PAFAH1B1: variants seen among roughly 807,000 people sequenced by gnomAD.
PAFAH1B1 encodes the protein platelet activating factor acetylhydrolase 1b regulatory subunit 1, also known as platelet-activating factor acetylhydrolase IB subunit beta.
A neutral mutation model predicts 57.5 loss-of-function variants in PAFAH1B1; 2 were observed. The ratio of observed to expected loss-of-function variants is 0.03; its 90% CI spans 0.01 to 0.11. The LOEUF is 0.11. Ranked by LOEUF, PAFAH1B1 falls within the 10% of genes least tolerant of loss-of-function variation. The probability of loss-of-function intolerance (pLI) is 1.00; values close to 1 mark genes in which losing one functional copy is unlikely to be tolerated. For missense variants in PAFAH1B1, 257 were observed against 512.0 expected (o/e 0.50, Z 4.81); for synonymous variants, 152 against 169.6 (o/e 0.90, Z 0.81).
chr17:2,598,152 G>A lies in PAFAH1B1; in HGVS notation c.-191+4146G>A, dbSNP rs59497076. ...TAGTTCCAGCTACTGGGGAGACTAA[G>A]GCAGGAGAATTGCTTGAACCCGGGA... is the stretch of plus-strand genomic sequence containing the variant. On this transcript the variant is annotated intron_variant, in intron 1 of 10. Coordinates refer to ENST00000397195, the MANE Select transcript of PAFAH1B1 (RefSeq NM_000430.4). Among the ~76,000 whole-genome samples the A allele has an allele frequency of 2.9e-3, 443 of 152,204 alleles. 2 individuals carry two copies. The highest frequency in any genetic ancestry group is 9.7e-3 in the African/African-American group (403 of 41,504).
At chr17:2,595,835 A>G (rs2068079357) in intron 1 of PAFAH1B1, among the ~76,000 whole-genome samples, 1 of 152,154 alleles carries the variant, frequency 6.6e-6, no homozygotes, top group Admixed American at 6.6e-5. Flanking sequence ...ATTTTGATGG[A>G]GCAAGCCCTA....
At chr17:2,667,724 C>G (rs1426059835) in intron 5 of PAFAH1B1, among the ~76,000 whole-genome samples, 1 of 151,890 alleles carries the variant, frequency 6.6e-6, no homozygotes, top group Non-Finnish European at 1.5e-5. Context: ...ATTGGGCTTT[C>G]CTTGATGTAT....
At chr17:2,673,770 A>G (rs1238530843) in intron 7 of PAFAH1B1, 1 of 400,840 alleles carries the variant, frequency 2.5e-6, no homozygotes. Context: ...AGTAGAGCAT[A>G]GCTTTTTTCC....
At chr17:2,643,293 C>A (rs1015350431) in intron 2 of PAFAH1B1, among the ~76,000 whole-genome samples, 2 of 151,988 alleles carry the variant, frequency 1.3e-5, no homozygotes, top group Non-Finnish European at 2.9e-5. Context: ...TTGTTTTCCC[C>A]CTTTTGTGGA....
chr17:2,633,542 G>A (rs1352161144), intron 1 of PAFAH1B1, among the ~76,000 whole-genome samples: 1 of 151,780 alleles, frequency 6.6e-6, no homozygotes, highest in African/African-American at 2.4e-5. Flanking sequence ...TAATTTGGCT[G>A]GGGGAAGAAA....
rs187098832 is a variant in PAFAH1B1 at position 2,683,958 on chromosome 17, T to C, written c.*2156T>C. The C allele has an allele frequency of 2.0e-4, 30 of 152,688 alleles. No homozygotes were observed. The highest frequency in any genetic ancestry group is 7.2e-4 in the African/African-American group (30 of 41,560). The allele number at this position is 152,688 out of a possible 1,614,324, so 9.5% of individuals were successfully genotyped here. A position where few individuals can be genotyped will look rare whatever the true frequency, so the allele number is the denominator to read the frequency against. ...AGCCACAACATCTAGAAATCACTCATAGATATTGAACAATAAAGGAGAATG... is the reference window on the plus strand; with the variant it reads ...AGCCACAACATCTAGAAATCACTCACAGATATTGAACAATAAAGGAGAATG... On this transcript the variant is annotated 3_prime_UTR_variant, in exon 11 of 11. Transcript: ENST00000397195.
At chr17:2,637,275 A>G (rs2151633842) in intron 1 of PAFAH1B1, among the ~76,000 whole-genome samples, 1 of 152,262 alleles carries the variant, frequency 6.6e-6, no homozygotes, top group South Asian at 2.1e-4. Context: ...CTCTATTTTA[A>G]GTAAGACCAT....
chr17:2,594,001 G>C lies in PAFAH1B1; in HGVS notation c.-196G>C, dbSNP rs2068054078. The C allele has an allele frequency of 2.5e-6, 1 of 396,354 alleles. No individual in the cohort carries two copies. The highest frequency in any genetic ancestry group is 4.4e-5 in the Admixed American group (1 of 22,616). The allele number at this position is 396,354 out of a possible 1,614,324, so 24.6% of individuals were successfully genotyped here. A position where few individuals can be genotyped will look rare whatever the true frequency, so the allele number is the denominator to read the frequency against. ...GGCCCTGCGGAGGCGGCGGTGCAGC[G>C]CTCCGGTAAGGCGGCGCGGGTCTGC... is the stretch of plus-strand genomic sequence containing the variant. On this transcript the variant is annotated 5_prime_UTR_variant, in exon 1 of 11. Coordinates refer to ENST00000397195, the MANE Select transcript of PAFAH1B1 (RefSeq NM_000430.4).
Position 2,601,746 on chromosome 17 carries a change from T to A in PAFAH1B1, c.-191+7740T>A, listed in dbSNP as rs377158710. 7.9e-5 allele frequency among the ~76,000 whole-genome samples: 12 copies of A among 151,998 alleles called. No homozygotes were observed. The South Asian group carries it at 2.5e-3, about 32-fold the overall frequency. ...CATGCACCACGGCGCCCGGCCTAAT[T>A]TTTCTATTTTCTGTAAGAGGTGAGG... is the stretch of plus-strand genomic sequence containing the variant. On this transcript the variant is annotated intron_variant, in intron 1 of 10. Transcript: ENST00000397195.
chr17:2,679,705 C>T (rs2069347282), intron 9 of PAFAH1B1: 1 of 210,150 alleles, frequency 4.8e-6, no homozygotes, highest in African/African-American at 2.4e-5. Context: ...GTATATCCTT[C>T]ACTTAGTTAC....
rs2068052084 is a variant in PAFAH1B1 at position 2,593,885 on chromosome 17, C to T, written c.-312C>T. On this transcript the variant is annotated 5_prime_UTR_variant, in exon 1 of 11. Transcript: ENST00000397195. Reference sequence around the variant, plus strand: ...CTCCCCGGGCCCGGGCCCAGCGCGCCATCCTCCCCCCTCCTTCCCTCCCTC... The same window carrying T: ...CTCCCCGGGCCCGGGCCCAGCGCGCTATCCTCCCCCCTCCTTCCCTCCCTC... The T allele has an allele frequency of 6.2e-6, 2 of 323,302 alleles. No individual in the cohort carries two copies. The highest frequency in any genetic ancestry group is 2.3e-5 in the African/African-American group (1 of 44,190). The allele number at this position is 323,302 out of a possible 1,614,324, so 20.0% of individuals were successfully genotyped here.
At chr17:2,596,999 T>G (rs1379817279) in intron 1 of PAFAH1B1, among the ~76,000 whole-genome samples, 1 of 152,036 alleles carries the variant, frequency 6.6e-6, no homozygotes, top group Non-Finnish European at 1.5e-5. Context: ...AGGCGGAGGT[T>G]GCAGTGAGCC....
intron 1 of PAFAH1B1, among the ~76,000 whole-genome samples, 191 bp downstream of exon 1, chr17:2,594,197 C>T (rs908402337): frequency 6.6e-6 from 1 of 152,100 alleles, no homozygotes; most frequent in African/African-American, 2.4e-5. Context: ...CCGCGACGGC[C>T]GTTGAGTGAG....
At chr17:2,640,368 C>G (rs561169396) in intron 2 of PAFAH1B1, 1 of 123,994 alleles carries the variant, frequency 8.1e-6, no homozygotes, top group Non-Finnish European at 1.6e-5. Context: ...AGTTCCTCAG[C>G]TTTTGTCTTT....
At chr17:2,650,652 AAAAAAAAAGG>A (rs1041434356) in intron 2 of PAFAH1B1, among the ~76,000 whole-genome samples, 3 of 151,708 alleles carry the variant, frequency 2.0e-5, no homozygotes, top group South Asian at 2.1e-4. Flanking sequence ...AAAAAAAAAA[AAAAAAAAAGG>A]AAGTTAATTG....
intron 7 of PAFAH1B1, 71 bp from the exon 8 acceptor site, chr17:2,673,989 T>C (rs2069224486): frequency 9.1e-7 from 1 of 1,099,828 alleles, no homozygotes; most frequent in Non-Finnish European, 1.4e-6. Context: ...CCAGTACATA[T>C]TTTTATATCA....
At chr17:2,655,871 C>G (rs1305053778) in intron 2 of PAFAH1B1, among the ~76,000 whole-genome samples, 1 of 151,712 alleles carries the variant, frequency 6.6e-6, no homozygotes, top group Middle Eastern at 3.2e-3. Context: ...CTTCTATTTT[C>G]TGTGTGGAGT....
intron 1 of PAFAH1B1, among the ~76,000 whole-genome samples, chr17:2,617,516 A>G (rs980765349): frequency 2.0e-5 from 3 of 152,194 alleles, no homozygotes; most frequent in South Asian, 2.1e-4. Flanking sequence ...ATACTGATAA[A>G]CCAACCTGAT....
chr17:2,681,839 T>C lies in PAFAH1B1; in HGVS notation c.*37T>C, dbSNP rs1256494028. ...TCGGCCCCTCCTCCCTCTTTTCCTC[T>C]GGATGCACTCTGATGATACCATGGT... On this transcript the variant is annotated 3_prime_UTR_variant, in exon 11 of 11. Coordinates refer to ENST00000397195, the MANE Select transcript of PAFAH1B1 (RefSeq NM_000430.4). 1.4e-6 allele frequency: 2 copies of C among 1,459,116 alleles called. No homozygotes were observed. The highest frequency in any genetic ancestry group is 1.9e-6 in the Non-Finnish European group (2 of 1,042,070). 90.4% of individuals were successfully genotyped at this position (1,459,116 alleles called of 1,614,324 possible).
Sources: allele counts gnomAD v4.1 joint callset (sites outside exome capture counted in the v4.1 genomes callset), GRCh38; gene constraint gnomAD v4.1.1; transcripts MANE v1.5; gene names NCBI Gene and HGNC (gene_info 2026-07-23, HGNC 2026-07-21).